ST6GAL1: variants seen among roughly 807,000 people sequenced by gnomAD.
ST6GAL1 encodes the protein beta-galactoside alpha-2,6-sialyltransferase 1.
A neutral mutation model predicts 38.0 loss-of-function variants in ST6GAL1; 20 were observed. That is an observed-to-expected ratio of 0.53 (90% CI 0.37 to 0.77). The LOEUF is 0.77. ST6GAL1 is among the 30% of genes least tolerant of loss of function. The pLI, the probability that ST6GAL1 is intolerant of heterozygous loss-of-function variation, is 0.00. For missense variants in ST6GAL1, 432 were observed against 496.4 expected (o/e 0.87, Z 1.23); for synonymous variants, 196 against 188.2 (o/e 1.04, Z -0.34).
At chr3:186,978,145 A>T (rs1474995028) in intron 2 of ST6GAL1, among the ~76,000 whole-genome samples, 1 of 152,320 alleles carries the variant, frequency 6.6e-6, no homozygotes, top group African/African-American at 2.4e-5. Context: ...CAGGAGGCAG[A>T]GGTTGCAGTG....
chr3:186,944,987 C>T (rs1408526304), intron 1 of ST6GAL1, among the ~76,000 whole-genome samples: 1 of 152,160 alleles, frequency 6.6e-6, no homozygotes, highest in Non-Finnish European at 1.5e-5. Flanking sequence ...CTAGTATCTG[C>T]TTTAAGGGAA....
At chr3:187,024,988 C>CGCGCGTGT (rs1553827908) in intron 2 of ST6GAL1, 1 of 145,594 alleles carries the variant, frequency 6.9e-6, no homozygotes, top group African/African-American at 2.5e-5. Flanking sequence ...GAACCTGGTG[C>CGCGCGTGT]GTGTGTGTGT....
chr3:187,034,072 T>TA (rs997478053), intron 2 of ST6GAL1, among the ~76,000 whole-genome samples: 21 of 151,946 alleles, frequency 1.4e-4, no homozygotes, highest in African/African-American at 4.6e-4. Context: ...AAATGACAAA[T>TA]ATGACATTAC....
At position 187,009,920 on chromosome 3, in the gene ST6GAL1, G is replaced by T. The variant is rs550624316; in HGVS notation, c.-182-28822G>T. 3.3e-5 allele frequency among the ~76,000 whole-genome samples: 5 copies of T among 152,174 alleles called. No individual in the cohort carries two copies. In the East Asian group the frequency reaches 9.6e-4, roughly 29 times the overall value. On this transcript the variant is annotated intron_variant, in intron 2 of 7. Coordinates refer to ENST00000169298, the MANE Select transcript of ST6GAL1 (RefSeq NM_173216.2). Reference sequence around the variant, plus strand: ...CTCAGGAGGCCGAGGCAGGAGAATCGCTTGAACCCGGGAGTCGGAGGTTGC... The same window carrying T: ...CTCAGGAGGCCGAGGCAGGAGAATCTCTTGAACCCGGGAGTCGGAGGTTGC...
Position 186,994,316 on chromosome 3 carries a change from C to T in ST6GAL1, c.-183+30390C>T, listed in dbSNP as rs116643297. Among the ~76,000 whole-genome samples, 387 of 152,246 alleles carry T rather than the reference C, an allele frequency of 2.5e-3. 2 individuals are homozygous for T. Among genetic ancestry groups the T allele is most frequent in the Admixed American group, 5.9e-3 (90 of 15,288 alleles). Reference sequence around the variant, plus strand: ...AGCAGCTTGTTGGTCCAGGTGTGATCCCAGTATTTAAATGTTTGTCTTTTT... The same window carrying T: ...AGCAGCTTGTTGGTCCAGGTGTGATTCCAGTATTTAAATGTTTGTCTTTTT... On this transcript the variant is annotated intron_variant, in intron 2 of 7. Coordinates refer to ENST00000169298, the MANE Select transcript of ST6GAL1 (RefSeq NM_173216.2).
intron 5 of ST6GAL1, among the ~76,000 whole-genome samples, chr3:187,062,574 T>TCACTCACACACACACACA (rs1553835857): frequency 5.6e-5 from 8 of 143,812 alleles, no homozygotes; most frequent in Non-Finnish European, 1.2e-4. Context: ...AATAAGCCAG[T>TCACTCACACACACACACA]CACACACACA....
chr3:186,998,032 A>C (rs890282285), intron 2 of ST6GAL1, among the ~76,000 whole-genome samples: 1 of 152,166 alleles, frequency 6.6e-6, no homozygotes. Flanking sequence ...GGATCACTTG[A>C]GCCCAGGAGT....
intron 2 of ST6GAL1, among the ~76,000 whole-genome samples, chr3:187,004,159 G>A (rs767688512): frequency 6.6e-5 from 10 of 152,226 alleles, no homozygotes; most frequent in Non-Finnish European, 1.5e-4. Flanking sequence ...TGATGTGCCT[G>A]CTTCTGCTTC....
At chr3:187,027,959 G>A (rs1293441771) in intron 2 of ST6GAL1, among the ~76,000 whole-genome samples, 1 of 152,194 alleles carries the variant, frequency 6.6e-6, no homozygotes, top group Non-Finnish European at 1.5e-5. Context: ...GTTATGGACT[G>A]CTGATGAGCT....
intron 1 of ST6GAL1, among the ~76,000 whole-genome samples, chr3:186,946,107 C>T (rs1440383777): frequency 1.3e-5 from 2 of 151,708 alleles, no homozygotes; most frequent in Non-Finnish European, 2.9e-5. Flanking sequence ...GGAGTTCGAG[C>T]CCAGCCTAAC....
intron 5 of ST6GAL1, among the ~76,000 whole-genome samples, chr3:187,069,896 C>G (rs934231595): frequency 1.3e-5 from 2 of 152,230 alleles, no homozygotes; most frequent in Admixed American, 6.5e-5. Flanking sequence ...GCATTTCTCT[C>G]TCATGCAAAA....
intron 3 of ST6GAL1, among the ~76,000 whole-genome samples, chr3:187,040,962 A>G (rs1579349683): frequency 1.3e-5 from 2 of 152,284 alleles, no homozygotes; most frequent in East Asian, 1.9e-4. Context: ...TTCATGGAGA[A>G]TTCCCAGGGA....
chr3:186,974,729 G>GGC (rs1171104990), intron 2 of ST6GAL1, among the ~76,000 whole-genome samples: 2 of 151,440 alleles, frequency 1.3e-5, no homozygotes, highest in Non-Finnish European at 2.9e-5. Context: ...GCCTGGTTGG[G>GGC]GGGGGGGCGC....
At chr3:187,047,628 C>T (rs1339468417) in intron 4 of ST6GAL1, among the ~76,000 whole-genome samples, 1 of 151,954 alleles carries the variant, frequency 6.6e-6, no homozygotes. Context: ...GCAGCCTTTC[C>T]CCCTCGCTAG....
intron 7 of ST6GAL1, among the ~76,000 whole-genome samples, chr3:187,074,963 G>A (rs112901860): frequency 6.6e-6 from 1 of 152,096 alleles, no homozygotes; most frequent in African/African-American, 2.4e-5. Context: ...GAGTTTATTG[G>A]AACAATGCTG....
At chr3:187,067,640 G>A (rs1719213706) in intron 5 of ST6GAL1, among the ~76,000 whole-genome samples, 1 of 152,098 alleles carries the variant, frequency 6.6e-6, no homozygotes. Flanking sequence ...TAGCTCAAGT[G>A]AATGGCTGTT....
At chr3:187,006,746 T>C (rs900879053) in intron 2 of ST6GAL1, among the ~76,000 whole-genome samples, 1 of 152,234 alleles carries the variant, frequency 6.6e-6, no homozygotes, top group Admixed American at 6.5e-5. Context: ...ACCACCATTG[T>C]GCTTCTTGAT....
At position 187,067,146 on chromosome 3, in the gene ST6GAL1, G is replaced by A. The variant is rs549941952; in HGVS notation, c.706-5703G>A. 2.6e-4 allele frequency among the ~76,000 whole-genome samples: 37 copies of A among 140,708 alleles called. 1 individual carries two copies. In the South Asian group the frequency reaches 7.9e-3, roughly 30 times the overall value. The allele number at this position is 140,708 out of a possible 152,430, so 92.3% of individuals were successfully genotyped here. On this transcript the variant is annotated intron_variant, in intron 5 of 7. Coordinates refer to ENST00000169298, the MANE Select transcript of ST6GAL1 (RefSeq NM_173216.2). ...CTGTCACCCAGGCTGGAGTGCAGTG[G>A]TGCGATCTTGGCTCACTGCAACCTC... is the stretch of plus-strand genomic sequence containing the variant.
At chr3:187,013,435 C>T (rs1358754019) in intron 2 of ST6GAL1, among the ~76,000 whole-genome samples, 1 of 152,210 alleles carries the variant, frequency 6.6e-6, no homozygotes, top group Non-Finnish European at 1.5e-5. Flanking sequence ...GACCTCACAT[C>T]TGTGCCCTGG....
Sources: gnomAD v4.1 joint callset for allele counts (sites outside exome capture counted in the v4.1 genomes callset) on GRCh38, gnomAD v4.1.1 for gene constraint, MANE v1.5 for transcripts, NCBI Gene and HGNC (gene_info 2026-07-23, HGNC 2026-07-21) for gene names.